Variants in PEAK1 observed in about 807,000 individuals in gnomAD.
PEAK1 encodes the protein pseudopodium enriched atypical kinase 1.
In PEAK1, 54 loss-of-function variants were observed where a neutral mutation model predicts 124.7. The observed-to-expected ratio is 0.43, with a 90% CI of 0.35 to 0.54. The LOEUF (loss-of-function observed/expected upper bound fraction) is 0.54. PEAK1 is among the 20% of genes least tolerant of loss of function. The pLI is 0.01. For synonymous variants in PEAK1, 719 were observed against 760.0 expected (o/e 0.95, Z 0.89); for missense variants, 2,046 against 2,134.5 (o/e 0.96, Z 0.82).
At position 77,225,985 on chromosome 15, in the gene PEAK1, G is replaced by GA. The variant is rs1297523956; in HGVS notation, c.-115+26381dup. Among the ~76,000 whole-genome samples the GA allele has an allele frequency of 2.6e-4, 30 of 116,370 alleles. 1 individual carries two copies. Among genetic ancestry groups the GA allele is most frequent in the South Asian group, 2.2e-3 (8 of 3,668 alleles). 76.3% of individuals were successfully genotyped at this position (116,370 alleles called of 152,430 possible). A position where few individuals can be genotyped will look rare whatever the true frequency, so the allele number is the denominator to read the frequency against. ...AAGTATTTAATCGATCCTTAACCAA[G>GA]AAAAAAAAATCAATGCTTTCTTTTT... On this transcript the variant is annotated intron_variant, in intron 6 of 9. Coordinates refer to ENST00000682557, the MANE Select transcript of PEAK1 (RefSeq NM_001385026.1).
intron 2 of PEAK1, chr15:77,337,352 A>G (rs534012841): frequency 4.2e-6 from 4 of 956,736 alleles, no homozygotes; most frequent in East Asian, 2.3e-4. Context: ...ACCATCAGTG[A>G]ATATTTATTT....
chr15:77,152,548 G>A (rs2054741628), intron 8 of PEAK1, among the ~76,000 whole-genome samples: 1 of 152,044 alleles, frequency 6.6e-6, no homozygotes, highest in Non-Finnish European at 1.5e-5. Context: ...GGTGAGAGAG[G>A]GCATCCCTGT....
In PEAK1 at chr15:77,111,513, C is replaced by T. The variant is rs1410508618; in HGVS notation, c.*2643G>A. The T allele has an allele frequency of 6.6e-6, 1 of 152,220 alleles. No individual in the cohort carries two copies. The highest frequency in any genetic ancestry group is 1.5e-5 in the Non-Finnish European group (1 of 68,032). The allele number at this position is 152,220 out of a possible 1,614,324, so 9.4% of individuals were successfully genotyped here. A position where few individuals can be genotyped will look rare whatever the true frequency, so the allele number is the denominator to read the frequency against. ...ACCCAGAGAAAAATTAATCTAGCCA[C>T]CTGTCTCTGGGAAGCCTGAGGCTTT... On this transcript the variant is annotated 3_prime_UTR_variant, in exon 10 of 10. Transcript: ENST00000682557.
chr15:77,316,493 TA>T (rs1394772779), intron 2 of PEAK1, among the ~76,000 whole-genome samples: 1 of 152,240 alleles, frequency 6.6e-6, no homozygotes, highest in African/African-American at 2.4e-5. Flanking sequence ...TAAGTCTCTC[TA>T]ATAAGCACTT....
chr15:77,324,898 G>A (rs1013959173), intron 2 of PEAK1, among the ~76,000 whole-genome samples: 6 of 152,078 alleles, frequency 3.9e-5, no homozygotes, highest in Non-Finnish European at 1.5e-5. Context: ...TGTGAGATTT[G>A]GATGGGGACA....
At chr15:77,136,886 C>T (rs918622018) in intron 8 of PEAK1, among the ~76,000 whole-genome samples, 1 of 152,200 alleles carries the variant, frequency 6.6e-6, no homozygotes, top group African/African-American at 2.4e-5. Flanking sequence ...GGCAGACCCT[C>T]CCATCAGAGG....
At chr15:77,209,246 A>C (rs1368748894) in intron 6 of PEAK1, among the ~76,000 whole-genome samples, 2 of 152,206 alleles carry the variant, frequency 1.3e-5, no homozygotes, top group Non-Finnish European at 2.9e-5. Flanking sequence ...CAAGATTTCC[A>C]TATATGTACC....
Position 77,114,880 on chromosome 15 carries a change from T to C in PEAK1, c.4517A>G (p.His1506Arg). The change falls in exon 10 of 10, where the codon CAC becomes CGC. Residue 1506 changes from histidine (H) to arginine (R), a missense_variant. Transcript: ENST00000682557. ...GTGAGTGACATGGTAGGGTTTGAGGTGCTCAAGACCAGAGCATAGCTGTAA... is the reference window on the plus strand; with the variant it reads ...GTGAGTGACATGGTAGGGTTTGAGGCGCTCAAGACCAGAGCATAGCTGTAA... ...LLLQLCSGLE[H>R]LKPYHVTHCD... The C allele has an allele frequency of 6.2e-7, 1 of 1,613,778 alleles. No individual in the cohort carries two copies. Among genetic ancestry groups the C allele is most frequent in the East Asian group, 2.2e-5 (1 of 44,858 alleles).
intron 2 of PEAK1, among the ~76,000 whole-genome samples, chr15:77,307,587 C>T (rs1172785254): frequency 6.6e-6 from 1 of 152,058 alleles, no homozygotes; most frequent in Non-Finnish European, 1.5e-5. Flanking sequence ...TTCAGGAGGT[C>T]TTATGCTAAC....
chr15:77,117,850 C>T (rs978533797), intron 9 of PEAK1, among the ~76,000 whole-genome samples: 1 of 152,086 alleles, frequency 6.6e-6, no homozygotes, highest in African/African-American at 2.4e-5. Flanking sequence ...AATTGTGACT[C>T]GTATTTTAAT....
intron 6 of PEAK1, among the ~76,000 whole-genome samples, chr15:77,189,502 G>T (rs928693578): frequency 1.3e-5 from 2 of 152,186 alleles, no homozygotes; most frequent in Non-Finnish European, 2.9e-5. Context: ...ATGAAGAAGT[G>T]TAAGAAATAG....
In PEAK1 at chr15:77,116,842, C is replaced by T. The variant is rs76456711; in HGVS notation, c.4078-1523G>A. Reference sequence around the variant, plus strand: ...AAGTATTTCTTTTTTAAGCAAACTTCTGGTCTTGAACAGACATCCCCAGCC... The same window carrying T: ...AAGTATTTCTTTTTTAAGCAAACTTTTGGTCTTGAACAGACATCCCCAGCC... On this transcript the variant is annotated intron_variant, in intron 9 of 9. Coordinates refer to ENST00000682557, the MANE Select transcript of PEAK1 (RefSeq NM_001385026.1). 7.4e-3 allele frequency among the ~76,000 whole-genome samples: 1,122 copies of T among 152,244 alleles called. 15 individuals carry two copies. The highest frequency in any genetic ancestry group is 0.025 in the African/African-American group (1,057 of 41,544).
intron 8 of PEAK1, among the ~76,000 whole-genome samples, chr15:77,142,931 A>G (rs1478671056): frequency 1.3e-5 from 2 of 152,328 alleles, no homozygotes; most frequent in Admixed American, 1.3e-4. Flanking sequence ...CTGTGAATAT[A>G]CTAAAACTAA....
At chr15:77,270,098 G>A (rs2152953396) in intron 5 of PEAK1, among the ~76,000 whole-genome samples, 1 of 152,110 alleles carries the variant, frequency 6.6e-6, no homozygotes, top group East Asian at 1.9e-4. Flanking sequence ...GGTCAATTTT[G>A]GAATAAATTA....
intron 2 of PEAK1, among the ~76,000 whole-genome samples, chr15:77,295,281 T>C (rs2063426937): frequency 6.6e-6 from 1 of 151,840 alleles, no homozygotes; most frequent in Admixed American, 6.6e-5. Flanking sequence ...TATAAGAGTG[T>C]TATATTAAAA....
At chr15:77,267,648 C>T (rs1285232033) in intron 5 of PEAK1, among the ~76,000 whole-genome samples, 1 of 152,174 alleles carries the variant, frequency 6.6e-6, no homozygotes, top group African/African-American at 2.4e-5. Context: ...AAATTCCCAT[C>T]CCTATGGGAA....
At chr15:77,225,318 T>C (rs958966882) in intron 6 of PEAK1, among the ~76,000 whole-genome samples, 2 of 151,964 alleles carry the variant, frequency 1.3e-5, no homozygotes, top group Admixed American at 1.3e-4. Context: ...CTCCAGATAT[T>C]TCCCCAACCA....
intron 5 of PEAK1, among the ~76,000 whole-genome samples, chr15:77,263,933 G>A (rs2061576615): frequency 6.6e-6 from 1 of 151,532 alleles, no homozygotes; most frequent in Non-Finnish European, 1.5e-5. Flanking sequence ...TTCAACCTGG[G>A]ATGCAAGGCT....
chr15:77,158,269 C>A (rs1350083908), intron 8 of PEAK1: 4 of 476,206 alleles, frequency 8.4e-6, no homozygotes, highest in Non-Finnish European at 1.5e-5. Flanking sequence ...GTGAGTCCCT[C>A]AAAGCAGTGT....
Sources: allele counts gnomAD v4.1 joint callset (sites outside exome capture counted in the v4.1 genomes callset), GRCh38; gene constraint gnomAD v4.1.1; transcripts MANE v1.5; gene names NCBI Gene and HGNC (gene_info 2026-07-23, HGNC 2026-07-21).